TTC28: variants seen among roughly 807,000 people sequenced by gnomAD.
TTC28 encodes the protein tetratricopeptide repeat protein 28.
A neutral mutation model predicts 198.0 loss-of-function variants in TTC28; 61 were observed. The observed-to-expected ratio is 0.31, with a 90% CI of 0.25 to 0.38. The LOEUF (loss-of-function observed/expected upper bound fraction) is 0.38. Among genes scored for constraint, TTC28 ranks in the 10% least tolerant of loss-of-function variants. TTC28 has a pLI of 1.00. For missense variants in TTC28, 2,678 were observed against 3,164.0 expected, an observed-to-expected ratio of 0.85 and a Z score of 3.69; for synonymous variants, 1,171 against 1,297.8, an observed-to-expected ratio of 0.90 and a Z score of 2.10.
intron 2 of TTC28, among the ~76,000 whole-genome samples, chr22:28,628,935 G>C (rs1167906887): frequency 6.7e-6 from 1 of 150,374 alleles, no homozygotes; most frequent in African/African-American, 2.5e-5. Context: ...AAGGAAAAAA[G>C]AAAAGGAAAG....
chr22:28,451,807 C>T (rs5752748), intron 2 of TTC28, among the ~76,000 whole-genome samples: 3 of 152,130 alleles, frequency 2.0e-5, no homozygotes, highest in Admixed American at 1.3e-4. Context: ...AATCTTTTCT[C>T]TACCAGGTGG....
At chr22:28,385,102 T>C (rs1333530193) in intron 2 of TTC28, among the ~76,000 whole-genome samples, 1 of 147,746 alleles carries the variant, frequency 6.8e-6, no homozygotes, top group Non-Finnish European at 1.5e-5. Context: ...GATTGCGCCA[T>C]TGCACTCCAG....
At chr22:28,003,094 C>T (rs755667429) in intron 14 of TTC28, among the ~76,000 whole-genome samples, 4 of 152,114 alleles carry the variant, frequency 2.6e-5, no homozygotes, top group Non-Finnish European at 4.4e-5. Context: ...ACAGTGACCC[C>T]GACACTGTCT....
intron 2 of TTC28, among the ~76,000 whole-genome samples, chr22:28,551,910 T>A (rs766475073): frequency 1.3e-5 from 2 of 151,994 alleles, no homozygotes; most frequent in Non-Finnish European, 2.9e-5. Context: ...ATAAAGCACA[T>A]CCAAATCAGT....
At chr22:28,241,905 A>G (rs1929684772) in intron 5 of TTC28, among the ~76,000 whole-genome samples, 1 of 151,968 alleles carries the variant, frequency 6.6e-6, no homozygotes, top group African/African-American at 2.4e-5. Flanking sequence ...ACTAAAAAAT[A>G]TCAGGCTTTT....
chr22:28,370,650 T>A (rs2046317936), intron 2 of TTC28, among the ~76,000 whole-genome samples: 1 of 151,926 alleles, frequency 6.6e-6, no homozygotes, highest in African/African-American at 2.4e-5. Flanking sequence ...AAATTAAGAC[T>A]TATCTCAGAA....
intron 6 of TTC28, among the ~76,000 whole-genome samples, chr22:28,122,851 TTA>T (rs2146943213): frequency 6.6e-6 from 1 of 152,342 alleles, no homozygotes; most frequent in Non-Finnish European, 1.5e-5. Flanking sequence ...AAAAATTGTT[TTA>T]GTTTAGTAAC....
At chr22:28,460,112 C>G (rs1479486031) in intron 2 of TTC28, among the ~76,000 whole-genome samples, 1 of 152,062 alleles carries the variant, frequency 6.6e-6, no homozygotes, top group African/African-American at 2.4e-5. Context: ...AGCTATTTGT[C>G]TATCTAGTTT....
At chr22:28,115,046 G>A (rs1405060597) in intron 6 of TTC28, among the ~76,000 whole-genome samples, 1 of 152,106 alleles carries the variant, frequency 6.6e-6, no homozygotes, top group Non-Finnish European at 1.5e-5. Context: ...TGATACTGTG[G>A]TCTCAGAGCC....
chr22:28,250,146 T>C (rs1021653723), intron 5 of TTC28, among the ~76,000 whole-genome samples: 5 of 152,366 alleles, frequency 3.3e-5, no homozygotes, highest in African/African-American at 7.2e-5. Context: ...GGAAAAACTA[T>C]GCAGTCTAAC....
chr22:28,396,002 T>C (rs139990410), intron 2 of TTC28, among the ~76,000 whole-genome samples: 9 of 152,344 alleles, frequency 5.9e-5, no homozygotes, highest in East Asian at 1.9e-4. Flanking sequence ...CAAGATCACA[T>C]AGCTATTTGG....
At chr22:28,355,963 G>C (rs1052368675) in intron 2 of TTC28, among the ~76,000 whole-genome samples, 1 of 152,180 alleles carries the variant, frequency 6.6e-6, no homozygotes, top group African/African-American at 2.4e-5. Flanking sequence ...CTCTATTCGG[G>C]TATAAAGAAT....
intron 2 of TTC28, among the ~76,000 whole-genome samples, chr22:28,391,774 G>A (rs1303243572): frequency 5.3e-5 from 8 of 152,098 alleles, no homozygotes; most frequent in Non-Finnish European, 8.8e-5. Context: ...CAACTTCTTT[G>A]CCTTTGATTT....
chr22:28,650,026 A>T (rs1297737443), intron 1 of TTC28, among the ~76,000 whole-genome samples: 1 of 152,136 alleles, frequency 6.6e-6, no homozygotes, highest in Non-Finnish European at 1.5e-5. Flanking sequence ...CCCTGTTCCT[A>T]TTAAAATATC....
At chr22:27,985,150 C>T (rs1937167458) in intron 22 of TTC28, 99 bp downstream of exon 22, 1 of 860,640 alleles carries the variant, frequency 1.2e-6, no homozygotes, top group African/African-American at 1.7e-5. Context: ...AATGTTGATT[C>T]ACTTTTCTTC....
At chr22:28,152,002 G>C (rs1459874877) in intron 6 of TTC28, among the ~76,000 whole-genome samples, 1 of 152,060 alleles carries the variant, frequency 6.6e-6, no homozygotes, top group Non-Finnish European at 1.5e-5. Context: ...GGCTCAGAGG[G>C]GGCCCGCAGG....
rs573233868 is a variant in TTC28 at position 28,202,850 on chromosome 22, A to G, written c.934-39251T>C. 7.2e-5 allele frequency among the ~76,000 whole-genome samples: 11 copies of G among 152,290 alleles called. No individual in the cohort carries two copies. The East Asian group carries it at 2.1e-3, about 29-fold the overall frequency. On this transcript the variant is annotated intron_variant, in intron 5 of 22. Transcript: ENST00000397906. Reference sequence around the variant, plus strand: ...AAAATACCCATAACCCAGCTTTAACAAATTTTAACATTCTTCCACATTTGT... The same window carrying G: ...AAAATACCCATAACCCAGCTTTAACGAATTTTAACATTCTTCCACATTTGT...
At chr22:28,357,684 A>G (rs543344792) in intron 2 of TTC28, among the ~76,000 whole-genome samples, 55 of 152,278 alleles carry the variant, frequency 3.6e-4, no homozygotes, top group African/African-American at 1.3e-3. Flanking sequence ...CTAAAATTCA[A>G]ACACTTTATA....
chr22:28,372,177 G>GAATT (rs1243277714), intron 2 of TTC28, among the ~76,000 whole-genome samples: 1 of 152,108 alleles, frequency 6.6e-6, no homozygotes, highest in African/African-American at 2.4e-5. Flanking sequence ...AGGTAACTCT[G>GAATT]AATTGATCAT....
Sources: gnomAD v4.1 joint callset for allele counts (sites outside exome capture counted in the v4.1 genomes callset) on GRCh38, gnomAD v4.1.1 for gene constraint, MANE v1.5 for transcripts, NCBI Gene and HGNC (gene_info 2026-07-23, HGNC 2026-07-21) for gene names.